PHF2: variants seen among roughly 807,000 people sequenced by gnomAD.
PHF2 encodes the protein PHD finger protein 2.
PHF2 carries 27 observed loss-of-function variants against 120.5 expected under a neutral mutation model. The ratio of observed to expected loss-of-function variants is 0.22; its 90% CI spans 0.17 to 0.31. The LOEUF (loss-of-function observed/expected upper bound fraction) is 0.31, where lower values mean the gene tolerates loss of function less well. Ranked by LOEUF, PHF2 falls within the 10% of genes least tolerant of loss-of-function variation. PHF2 has a pLI of 1.00. For synonymous variants in PHF2, 568 were observed against 592.5 expected, an observed-to-expected ratio of 0.96 and a Z score of 0.60; for missense variants, 1,024 against 1,434.8, an observed-to-expected ratio of 0.71 and a Z score of 4.63.
In PHF2 at chr9:93,665,880, G is replaced by T. The variant is rs772858878; in HGVS notation, c.2116+16G>T. Reference sequence around the variant, plus strand: ...GACTTGTCCTGTGAGTTGGGAGGGGGTGTTGGGGGAGGGGTGTGGGAGAGG... The same window carrying T: ...GACTTGTCCTGTGAGTTGGGAGGGGTTGTTGGGGGAGGGGTGTGGGAGAGG... On this transcript the variant is annotated intron_variant, in intron 15 of 21. Coordinates refer to ENST00000359246, the MANE Select transcript of PHF2 (RefSeq NM_005392.4). 5 of 1,611,332 alleles carry T rather than the reference G, an allele frequency of 3.1e-6. No homozygotes were observed. The highest frequency in any genetic ancestry group is 1.3e-5 in the African/African-American group (1 of 74,900).
chr9:93,660,991 C>T (rs1826555378), intron 12 of PHF2, among the ~76,000 whole-genome samples: 1 of 151,690 alleles, frequency 6.6e-6, no homozygotes, highest in Non-Finnish European at 1.5e-5. Context: ...ACAAAGAAGC[C>T]CTGGGTCCTC....
chr9:93,648,558 T>C (rs1192240402), intron 4 of PHF2, among the ~76,000 whole-genome samples: 1 of 152,236 alleles, frequency 6.6e-6, no homozygotes, highest in Non-Finnish European at 1.5e-5. Flanking sequence ...ATGAGTCTTT[T>C]ATAAAGAAAT....
In PHF2 at chr9:93,658,242, A is replaced by G. The variant is rs1358560195; in HGVS notation, c.1239+6A>G. 3 of 1,607,324 alleles carry G rather than the reference A, an allele frequency of 1.9e-6. No individual in the cohort carries two copies. In the South Asian group the frequency reaches 3.3e-5, roughly 18 times the overall value. ...GATCGTGGACGAAGAAGCAGGTAGG[A>G]ATCATGTCACAAATGCCCTAGGGCA... is the stretch of plus-strand genomic sequence containing the variant. On this transcript the variant is annotated splice_donor_region_variant and intron_variant, in intron 10 of 21. Coordinates refer to ENST00000359246, the MANE Select transcript of PHF2 (RefSeq NM_005392.4).
At chr9:93,673,266 G>A (rs1432964514) in intron 17 of PHF2, among the ~76,000 whole-genome samples, 3 of 151,920 alleles carry the variant, frequency 2.0e-5, no homozygotes, top group Non-Finnish European at 2.9e-5. Context: ...TGAGAGACCA[G>A]TGCGTGACCA....
In PHF2 at chr9:93,677,449, G is replaced by T; in HGVS notation, c.3203-139G>T. On this transcript the variant is annotated intron_variant, in intron 21 of 21. Transcript: ENST00000359246. The surrounding 1 kb of genome is among the most constrained non-coding windows in gnomAD (Gnocchi z 4.4). ...GAAGGGTGCTGAGCTCGGAGCTGGG[G>T]CTTCATAGGCCCATTTTACAGATGG... 1.4e-6 allele frequency: 1 copy of T among 696,194 alleles called. No individual in the cohort carries two copies. Among genetic ancestry groups the T allele is most frequent in the Non-Finnish European group, 2.6e-6 (1 of 388,304 alleles). The allele number at this position is 696,194 out of a possible 1,614,324, so 43.1% of individuals were successfully genotyped here.
intron 18 of PHF2, among the ~76,000 whole-genome samples, chr9:93,674,148 G>A (rs943044073): frequency 6.6e-6 from 1 of 152,142 alleles, no homozygotes; most frequent in Non-Finnish European, 1.5e-5. Flanking sequence ...GAGGTGTGTG[G>A]CACCGGGCGC....
intron 3 of PHF2, among the ~76,000 whole-genome samples, chr9:93,644,912 G>A (rs976115353): frequency 3.9e-5 from 6 of 152,150 alleles, no homozygotes; most frequent in Non-Finnish European, 8.8e-5. Context: ...GCCCTGTGGT[G>A]GTGGCCATGT....
In PHF2 at chr9:93,632,653, C is replaced by T. The variant is rs368839373; in HGVS notation, c.184+2598C>T. ...TAATCCCATTCAGGAGGACTTTACC[C>T]TCATGACCTCATAACCTCCCAAAGG... On this transcript the variant is annotated intron_variant, in intron 2 of 21. Coordinates refer to ENST00000359246, the MANE Select transcript of PHF2 (RefSeq NM_005392.4). 3.1e-4 allele frequency among the ~76,000 whole-genome samples: 47 copies of T among 152,226 alleles called. No homozygotes were observed. In the East Asian group the frequency reaches 5.2e-3, roughly 17 times the overall value.
intron 3 of PHF2, among the ~76,000 whole-genome samples, chr9:93,636,819 C>T (rs1199389900): frequency 1.3e-5 from 2 of 152,224 alleles, no homozygotes; most frequent in Non-Finnish European, 2.9e-5. Context: ...TGAGTATGCC[C>T]AGCACATGCC....
At chr9:93,603,179 A>C (rs1197084756) in intron 1 of PHF2, among the ~76,000 whole-genome samples, 1 of 152,096 alleles carries the variant, frequency 6.6e-6, no homozygotes, top group African/African-American at 2.4e-5. Context: ...CTGCCTCAGT[A>C]GGCTATGTGG....
intron 1 of PHF2, among the ~76,000 whole-genome samples, chr9:93,589,836 C>T (rs1863136100): frequency 1.3e-5 from 2 of 152,152 alleles, no homozygotes; most frequent in Admixed American, 1.3e-4. Flanking sequence ...CCACAGCCAC[C>T]CCCTTTCCCT....
intron 1 of PHF2, among the ~76,000 whole-genome samples, chr9:93,604,622 A>T (rs1291513704): frequency 1.3e-5 from 2 of 150,954 alleles, no homozygotes; most frequent in Non-Finnish European, 1.5e-5. Context: ...CCGCCACCAC[A>T]CCCGGCTAAT....
At chr9:93,673,125 CA>C (rs1227258609) in intron 17 of PHF2, among the ~76,000 whole-genome samples, 2 of 151,826 alleles carry the variant, frequency 1.3e-5, no homozygotes, top group African/African-American at 4.8e-5. Context: ...AGGTTCCCTA[CA>C]AAGTGGGGTA....
At chr9:93,605,643 A>G (rs191593246) in intron 1 of PHF2, among the ~76,000 whole-genome samples, 44 of 152,332 alleles carry the variant, frequency 2.9e-4, no homozygotes, top group Admixed American at 1.6e-3. Context: ...GCAGAATGTC[A>G]TATAGTAGAA....
chr9:93,662,031 A>G (rs1826577820), intron 12 of PHF2, among the ~76,000 whole-genome samples: 2 of 151,496 alleles, frequency 1.3e-5, no homozygotes, highest in Admixed American at 1.3e-4. Flanking sequence ...ATGATGAATG[A>G]ATCAACAAAT....
At chr9:93,641,288 C>T (rs918899690) in intron 3 of PHF2, among the ~76,000 whole-genome samples, 6 of 152,148 alleles carry the variant, frequency 3.9e-5, no homozygotes, top group African/African-American at 9.7e-5. Flanking sequence ...ATTCTATTTC[C>T]ATCCTTCTGC....
Position 93,677,260 on chromosome 9 carries a change from G to A in PHF2, c.3202+297G>A, listed in dbSNP as rs976280244. 3.3e-5 allele frequency among the ~76,000 whole-genome samples: 5 copies of A among 151,228 alleles called. No individual in the cohort carries two copies. The highest frequency in any genetic ancestry group is 9.7e-5 in the African/African-American group (4 of 41,138). ...CTGTGGGGACTGAGTGATGCAGCAC[G>A]GGGTGCTGGCAGTGGCTCCTGGCCT... On this transcript the variant is annotated intron_variant, in intron 21 of 21. Transcript: ENST00000359246. This position sits in a 1 kb window ranked among gnomAD's most constrained non-coding sequence, Gnocchi z 4.4.
At chr9:93,631,017 C>A (rs982454919) in intron 2 of PHF2, among the ~76,000 whole-genome samples, 2 of 152,154 alleles carry the variant, frequency 1.3e-5, no homozygotes, top group African/African-American at 4.8e-5. Flanking sequence ...AAAGGGAGAC[C>A]CCTCCCAGTG....
At chr9:93,576,934 C>T in intron 1 of PHF2, 63 bp downstream of exon 1, 1 of 712,666 alleles carries the variant, frequency 1.4e-6, no homozygotes, top group Non-Finnish European at 1.7e-6. Flanking sequence ...CCGACCGAGC[C>T]CCGCGCCCCC....
Sources: gnomAD v4.1 joint callset for allele counts (sites outside exome capture counted in the v4.1 genomes callset) on GRCh38, gnomAD v4.1.1 for gene constraint, Gnocchi (gnomAD v3.1) non-coding constraint, MANE v1.5 for transcripts, NCBI Gene and HGNC (gene_info 2026-07-23, HGNC 2026-07-21) for gene names.